Variants in MORC1 observed in about 807,000 individuals in gnomAD.
MORC1 encodes MORC family CW-type zinc finger protein 1.
A neutral mutation model predicts 134.9 loss-of-function variants in MORC1; 59 were observed. That is an observed-to-expected ratio of 0.44 (90% CI 0.35 to 0.54). The LOEUF (loss-of-function observed/expected upper bound fraction) is 0.54, where lower values mean the gene tolerates loss of function less well. Ranked by LOEUF, MORC1 falls within the 20% of genes least tolerant of loss-of-function variation. The probability of loss-of-function intolerance (pLI) is 0.00; values close to 1 mark genes in which losing one functional copy is unlikely to be tolerated. For synonymous variants in MORC1, 395 were observed against 391.7 expected (o/e 1.01, Z -0.10); for missense variants, 947 against 1,134.5 (o/e 0.83, Z 2.37).
At chr3:109,026,992 A>G (rs1949091778) in intron 17 of MORC1, among the ~76,000 whole-genome samples, 1 of 152,156 alleles carries the variant, frequency 6.6e-6, no homozygotes, top group South Asian at 2.1e-4. Flanking sequence ...CACTTACTAT[A>G]AGCTGCTACA....
Position 109,032,818 on chromosome 3 carries a change from A to G in MORC1, c.1467T>C (p.Cys489=). ...GIPFIIQCDL[C]LKWRVLPSST... is the part of the protein sequence containing the mutation. Reference sequence around the variant, plus strand: ...AGGAAGGCAAGACTCTCCATTTAAGACAAAGATCTGACAATCAAAACAAAA... The same window carrying G: ...AGGAAGGCAAGACTCTCCATTTAAGGCAAAGATCTGACAATCAAAACAAAA... The change falls in exon 16 of 28, where the codon TGT becomes TGC. Residue 489 remains cysteine (C), a synonymous_variant. Coordinates refer to ENST00000232603, the MANE Select transcript of MORC1 (RefSeq NM_014429.4). 6.4e-7 allele frequency: 1 copy of G among 1,571,100 alleles called. No individual in the cohort carries two copies. Among genetic ancestry groups the G allele is most frequent in the African/African-American group, 1.4e-5 (1 of 73,530 alleles).
At chr3:109,105,091 G>A (rs1951001981) in intron 3 of MORC1, among the ~76,000 whole-genome samples, 1 of 152,112 alleles carries the variant, frequency 6.6e-6, no homozygotes. Context: ...CTGTTCAAAA[G>A]TCACTTAGAG....
chr3:109,037,558 A>G (rs992165802), intron 14 of MORC1, among the ~76,000 whole-genome samples: 2 of 152,240 alleles, frequency 1.3e-5, no homozygotes, highest in African/African-American at 4.8e-5. Flanking sequence ...CGTCGTTTAC[A>G]TTAGGTATTT....
intron 16 of MORC1, 58 bp downstream of exon 16, chr3:109,032,662 C>T: frequency 8.4e-7 from 1 of 1,186,704 alleles, no homozygotes; most frequent in Non-Finnish European, 1.2e-6. Context: ...AAGGTTCATA[C>T]ATATGAACTT....
intron 2 of MORC1, among the ~76,000 whole-genome samples, chr3:109,113,434 ACT>A (rs1951209423): frequency 6.6e-6 from 1 of 152,128 alleles, no homozygotes; most frequent in Non-Finnish European, 1.5e-5. Context: ...TTGTGGTCAC[ACT>A]CTCAGAAGGG....
At chr3:108,996,060 G>A (rs1008154040) in intron 21 of MORC1, among the ~76,000 whole-genome samples, 17 of 152,076 alleles carry the variant, frequency 1.1e-4, no homozygotes, top group African/African-American at 3.9e-4. Flanking sequence ...CAAACAGCTG[G>A]GGCTCAAGGT....
chr3:109,008,711 A>C (rs1948610702), intron 17 of MORC1, among the ~76,000 whole-genome samples: 1 of 152,054 alleles, frequency 6.6e-6, no homozygotes, highest in African/African-American at 2.4e-5. Flanking sequence ...TTATGATGAT[A>C]ACTATATATA....
intron 14 of MORC1, among the ~76,000 whole-genome samples, chr3:109,048,723 C>G (rs1175321085): frequency 6.6e-6 from 1 of 152,106 alleles, no homozygotes; most frequent in Non-Finnish European, 1.5e-5. Context: ...TCCCTGTGTC[C>G]TCACATGTTT....
At chr3:109,015,336 T>C (rs1355301805) in intron 17 of MORC1, among the ~76,000 whole-genome samples, 4 of 152,182 alleles carry the variant, frequency 2.6e-5, no homozygotes, top group Admixed American at 2.6e-4. Flanking sequence ...GCACCTTTTC[T>C]ACCTTAGATC....
chr3:109,069,272 T>C (rs1333786756), intron 9 of MORC1, among the ~76,000 whole-genome samples: 2 of 152,300 alleles, frequency 1.3e-5, no homozygotes, highest in Admixed American at 6.5e-5. Context: ...AATATAAATA[T>C]GTATATATAT....
At chr3:109,043,350 T>TA (rs1244200170) in intron 14 of MORC1, among the ~76,000 whole-genome samples, 3 of 152,120 alleles carry the variant, frequency 2.0e-5, no homozygotes, top group Admixed American at 6.6e-5. Context: ...ATGAGGTACT[T>TA]AGAGTAGTCA....
At chr3:109,020,225 A>G (rs1322402950) in intron 17 of MORC1, among the ~76,000 whole-genome samples, 4 of 152,220 alleles carry the variant, frequency 2.6e-5, no homozygotes, top group Admixed American at 2.0e-4. Flanking sequence ...TTATTTTCAA[A>G]TGCCAGAAAT....
chr3:109,019,452 T>C lies in MORC1; in HGVS notation c.1704+8299A>G, dbSNP rs184112520. On this transcript the variant is annotated intron_variant, in intron 17 of 27. Transcript: ENST00000232603. ...AAGAGCTACTGAGCCAAACTGAAAA[T>C]AGAAAAGCAGAGTCGTTTGAACAGC... 2.0e-3 allele frequency among the ~76,000 whole-genome samples: 299 copies of C among 152,272 alleles called. 3 individuals are homozygous for C. The highest frequency in any genetic ancestry group is 6.8e-3 in the African/African-American group (284 of 41,570).
chr3:108,995,130 T>C (rs944717269), intron 21 of MORC1, among the ~76,000 whole-genome samples: 2 of 152,200 alleles, frequency 1.3e-5, no homozygotes, highest in African/African-American at 2.4e-5. Context: ...TGGAGTAAAG[T>C]TGAACTGCCA....
intron 17 of MORC1, among the ~76,000 whole-genome samples, chr3:109,014,646 G>A (rs1345945313): frequency 6.6e-6 from 1 of 152,188 alleles, no homozygotes; most frequent in Admixed American, 6.5e-5. Flanking sequence ...TTAGGTGCTA[G>A]CTTGAAGATA....
chr3:108,976,462 C>A (rs1947563347), intron 24 of MORC1, among the ~76,000 whole-genome samples: 1 of 151,966 alleles, frequency 6.6e-6, no homozygotes, highest in Non-Finnish European at 1.5e-5. Flanking sequence ...ACATGTGGAC[C>A]AGATATAAAA....
intron 21 of MORC1, among the ~76,000 whole-genome samples, chr3:108,988,278 A>G (rs1947949899): frequency 6.6e-6 from 1 of 152,174 alleles, no homozygotes; most frequent in African/African-American, 2.4e-5. Flanking sequence ...CAAGAGCAAG[A>G]AAAGCCTTAT....
chr3:108,983,207 T>C (rs1315440410), intron 23 of MORC1, among the ~76,000 whole-genome samples: 1 of 148,714 alleles, frequency 6.7e-6, no homozygotes, highest in Non-Finnish European at 1.5e-5. Flanking sequence ...GCAACAGCAC[T>C]GGGGAAAAAA....
chr3:108,988,152 G>A (rs370612299), intron 21 of MORC1, among the ~76,000 whole-genome samples: 190 of 151,854 alleles, frequency 1.3e-3, no homozygotes, highest in Non-Finnish European at 4.9e-4. Flanking sequence ...GTATTTTTAC[G>A]TAGCATTCTG....
Sources: allele counts gnomAD v4.1 joint callset (sites outside exome capture counted in the v4.1 genomes callset), GRCh38; gene constraint gnomAD v4.1.1; transcripts MANE v1.5; gene names NCBI Gene and HGNC (gene_info 2026-07-23, HGNC 2026-07-21).